The following OSTN variants were observed in gnomAD, a reference collection of about 807,000 sequenced individuals.
The protein encoded by OSTN is osteocrin.
In OSTN, 9 loss-of-function variants were observed where a neutral mutation model predicts 12.0. The ratio of observed to expected loss-of-function variants is 0.75; its 90% CI spans 0.45 to 1.30. The LOEUF is 1.30. OSTN is among the 50% of genes most tolerant of loss of function. The pLI is 0.00. For missense variants in OSTN, 148 were observed against 152.3 expected (o/e 0.97, Z 0.15); for synonymous variants, 59 against 56.9 (o/e 1.04, Z -0.16).
At chr3:191,214,458 A>C (rs1436881319) in intron 2 of OSTN, among the ~76,000 whole-genome samples, 1 of 150,892 alleles carries the variant, frequency 6.6e-6, no homozygotes, top group Non-Finnish European at 1.5e-5. Flanking sequence ...AAAAAAAAAA[A>C]AAAACAGCAA....
At chr3:191,226,351 A>G (rs1341472543) in intron 3 of OSTN, among the ~76,000 whole-genome samples, 1 of 152,198 alleles carries the variant, frequency 6.6e-6, no homozygotes, top group Non-Finnish European at 1.5e-5. Context: ...ATTAATGTCT[A>G]AGAAAGTGCA....
At chr3:191,210,546 A>G (rs541769126) in intron 1 of OSTN, among the ~76,000 whole-genome samples, 49 of 152,274 alleles carry the variant, frequency 3.2e-4, no homozygotes, top group Middle Eastern at 3.4e-3. Context: ...CTTTTTTGAG[A>G]TGGGAATTAC....
chr3:191,217,519 T>C (rs960225658), intron 2 of OSTN, among the ~76,000 whole-genome samples: 1 of 152,084 alleles, frequency 6.6e-6, no homozygotes, highest in Non-Finnish European at 1.5e-5. Flanking sequence ...ATTCTCACGA[T>C]CTTAGAAAAA....
At chr3:191,204,482 A>G (rs1027597118) in intron 1 of OSTN, among the ~76,000 whole-genome samples, 8 of 152,170 alleles carry the variant, frequency 5.3e-5, no homozygotes, top group African/African-American at 1.4e-4. Flanking sequence ...CTCGAATTTG[A>G]GTTTATGAAG....
At chr3:191,216,717 G>A (rs770258676) in intron 2 of OSTN, among the ~76,000 whole-genome samples, 2 of 152,178 alleles carry the variant, frequency 1.3e-5, no homozygotes, top group Non-Finnish European at 2.9e-5. Flanking sequence ...ATAAAGCATA[G>A]CAACAGTCAC....
intron 3 of OSTN, among the ~76,000 whole-genome samples, chr3:191,246,067 CAAAA>C (rs149962240): frequency 0.015 from 934 of 60,388 alleles, 6 homozygotes; most frequent in South Asian, 0.039. Context: ...AACTCTGTCT[CAAAA>C]AAAAAAAAAA....
intron 3 of OSTN, among the ~76,000 whole-genome samples, chr3:191,243,774 T>A (rs577357467): frequency 2.6e-5 from 4 of 152,262 alleles, no homozygotes; most frequent in African/African-American, 9.6e-5. Flanking sequence ...ACACAATAAT[T>A]AATATTTACA....
At chr3:191,213,105 G>T (rs929210035) in intron 2 of OSTN, among the ~76,000 whole-genome samples, 1 of 151,670 alleles carries the variant, frequency 6.6e-6, no homozygotes, top group Non-Finnish European at 1.5e-5. Flanking sequence ...TCCTGACCTC[G>T]AGATCCGCCC....
chr3:191,241,160 G>T, intron 3 of OSTN, among the ~76,000 whole-genome samples: 1 of 109,222 alleles, frequency 9.2e-6, no homozygotes, highest in African/African-American at 3.0e-5. Flanking sequence ...GGAGCTCTGT[G>T]CCTTGACTTT....
chr3:191,233,445 T>C (rs1576932510), intron 3 of OSTN, among the ~76,000 whole-genome samples: 1 of 152,156 alleles, frequency 6.6e-6, no homozygotes, highest in Non-Finnish European at 1.5e-5. Context: ...TTTTCTTTTT[T>C]TCGTTTTTTG....
Position 191,260,709 on chromosome 3 carries a change from C to T in OSTN, c.*13-2157C>T, listed in dbSNP as rs1373134966. Among the ~76,000 whole-genome samples, 6 of 152,084 alleles carry T rather than the reference C, an allele frequency of 3.9e-5. No homozygotes were observed. The South Asian group carries it at 8.3e-4, about 21-fold the overall frequency. On this transcript the variant is annotated intron_variant, in intron 4 of 4. Transcript: ENST00000682035. ...ACCTGATGTGATCCAACAACCATGC[C>T]CTTCGGGTGATGGAGACCAGGAAAG... is the stretch of plus-strand genomic sequence containing the variant.
chr3:191,200,243 T>C (rs1714123008), intron 1 of OSTN, among the ~76,000 whole-genome samples: 1 of 152,178 alleles, frequency 6.6e-6, no homozygotes, highest in African/African-American at 2.4e-5. Context: ...GAGCACTTTC[T>C]GTAGATAACA....
intron 3 of OSTN, among the ~76,000 whole-genome samples, chr3:191,231,865 C>T (rs1715064559): frequency 1.3e-5 from 2 of 152,120 alleles, no homozygotes; most frequent in Admixed American, 1.3e-4. Flanking sequence ...AACCCCTTCT[C>T]AGAGTATTGT....
intron 3 of OSTN, among the ~76,000 whole-genome samples, chr3:191,232,980 A>G (rs1419708005): frequency 1.3e-5 from 2 of 152,156 alleles, no homozygotes; most frequent in Non-Finnish European, 2.9e-5. Flanking sequence ...ATCTACACGT[A>G]TAGGCCCCTG....
chr3:191,258,214 C>T (rs375917885), intron 4 of OSTN, among the ~76,000 whole-genome samples: 20 of 152,216 alleles, frequency 1.3e-4, no homozygotes, highest in South Asian at 1.0e-3. Context: ...AGGAATTAAC[C>T]GTAAGATTGC....
intron 4 of OSTN, among the ~76,000 whole-genome samples, chr3:191,260,546 C>T (rs1474187655): frequency 2.6e-5 from 4 of 152,114 alleles, no homozygotes; most frequent in South Asian, 4.1e-4. Context: ...TGGACTTTCC[C>T]GGCATTAACC....
At chr3:191,244,419 C>T (rs1343271303) in intron 3 of OSTN, among the ~76,000 whole-genome samples, 2 of 151,562 alleles carry the variant, frequency 1.3e-5, no homozygotes, top group East Asian at 3.9e-4. Context: ...ATGCATATAT[C>T]ATATAAGCCA....
intron 1 of OSTN, among the ~76,000 whole-genome samples, chr3:191,211,977 A>C (rs973634737): frequency 6.6e-6 from 1 of 152,050 alleles, no homozygotes; most frequent in Non-Finnish European, 1.5e-5. Context: ...GTAATTTTTT[A>C]ATTTTGATAT....
chr3:191,240,392 T>C (rs1485886075), intron 3 of OSTN, among the ~76,000 whole-genome samples: 1 of 152,202 alleles, frequency 6.6e-6, no homozygotes, highest in Non-Finnish European at 1.5e-5. Context: ...ATCATTTATT[T>C]TTTCTACATG....
Sources: gnomAD v4.1 joint callset for allele counts (sites outside exome capture counted in the v4.1 genomes callset) on GRCh38, gnomAD v4.1.1 for gene constraint, MANE v1.5 for transcripts, NCBI Gene and HGNC (gene_info 2026-07-23, HGNC 2026-07-21) for gene names.